Variants in CLSTN2 observed in about 807,000 individuals in gnomAD.
CLSTN2 encodes the protein calsyntenin 2, also known as calsyntenin-2.
A neutral mutation model predicts 101.2 loss-of-function variants in CLSTN2; 48 were observed. That is an observed-to-expected ratio of 0.47 (90% CI 0.38 to 0.60). The LOEUF (loss-of-function observed/expected upper bound fraction) is 0.60. CLSTN2 is among the 20% of genes least tolerant of loss of function. The pLI, the probability that CLSTN2 is intolerant of heterozygous loss-of-function variation, is 0.00. For synonymous variants in CLSTN2, 481 were observed against 463.6 expected, an observed-to-expected ratio of 1.04 and a Z score of -0.48; for missense variants, 1,160 against 1,238.2, an observed-to-expected ratio of 0.94 and a Z score of 0.95.
At chr3:140,205,185 C>T (rs2010764920) in intron 2 of CLSTN2, among the ~76,000 whole-genome samples, 1 of 152,136 alleles carries the variant, frequency 6.6e-6, no homozygotes, top group Non-Finnish European at 1.5e-5. Flanking sequence ...ACACAGCATC[C>T]AAAGGTGTTT....
intron 1 of CLSTN2, among the ~76,000 whole-genome samples, chr3:140,014,679 C>T (rs1045535617): frequency 6.6e-6 from 1 of 152,088 alleles, no homozygotes; most frequent in Non-Finnish European, 1.5e-5. Context: ...CCCAGCGTGT[C>T]TGAGGAACTG....
chr3:140,556,235 G>A (rs1935787439), intron 10 of CLSTN2, among the ~76,000 whole-genome samples: 1 of 152,138 alleles, frequency 6.6e-6, no homozygotes, highest in Admixed American at 6.5e-5. Context: ...GAGCACCGTG[G>A]CTGGGTTTTC....
At chr3:140,054,992 G>T (rs554685099) in intron 1 of CLSTN2, among the ~76,000 whole-genome samples, 29 of 152,300 alleles carry the variant, frequency 1.9e-4, no homozygotes, top group Admixed American at 3.9e-4. Flanking sequence ...GGATATGCCT[G>T]CAGGCTTATA....
chr3:140,084,478 A>G (rs975028821), intron 1 of CLSTN2, among the ~76,000 whole-genome samples: 2 of 152,202 alleles, frequency 1.3e-5, no homozygotes, highest in African/African-American at 4.8e-5. Context: ...GTAGATACGT[A>G]TGCATTCAAA....
intron 1 of CLSTN2, among the ~76,000 whole-genome samples, chr3:140,021,116 A>G (rs962872815): frequency 2.0e-5 from 3 of 152,132 alleles, no homozygotes; most frequent in African/African-American, 7.2e-5. Context: ...TGATGCTCCA[A>G]ATGCTTCCTC....
chr3:140,477,428 C>T (rs1021303490), intron 8 of CLSTN2, among the ~76,000 whole-genome samples: 1 of 152,094 alleles, frequency 6.6e-6, no homozygotes, highest in Non-Finnish European at 1.5e-5. Context: ...ATTGCACTAA[C>T]TCTTTGTGGT....
chr3:140,569,125 G>A lies in CLSTN2; in HGVS notation c.*2872G>A, dbSNP rs1442967359. 1.3e-5 allele frequency: 2 copies of A among 152,252 alleles called. No homozygotes were observed. Among genetic ancestry groups the A allele is most frequent in the African/African-American group, 4.8e-5 (2 of 41,438 alleles). The allele number at this position is 152,252 out of a possible 1,614,324, so 9.4% of individuals were successfully genotyped here. A position where few individuals can be genotyped will look rare whatever the true frequency, so the allele number is the denominator to read the frequency against. On this transcript the variant is annotated 3_prime_UTR_variant, in exon 17 of 17. Transcript: ENST00000458420. ...GAGTGGTTATATCCCAGTAACAGAA[G>A]CTTTGGGAGGTATCCAGGTGAGCAG...
chr3:139,935,767 G>C lies in CLSTN2; in HGVS notation c.109+284G>C, dbSNP rs1274587953. Among the ~76,000 whole-genome samples, 1 of 152,088 alleles carries C rather than the reference G, an allele frequency of 6.6e-6. No homozygotes were observed. The highest frequency in any genetic ancestry group is 6.5e-5 in the Admixed American group (1 of 15,288). ...TTGAGGGCTGTCTGTGCCGGGGTGGGAGCGCAGTGGGTGAGTTTCGAGCTC... is the reference window on the plus strand; with the variant it reads ...TTGAGGGCTGTCTGTGCCGGGGTGGCAGCGCAGTGGGTGAGTTTCGAGCTC... On this transcript the variant is annotated intron_variant, in intron 1 of 16. Coordinates refer to ENST00000458420, the MANE Select transcript of CLSTN2 (RefSeq NM_022131.3). The surrounding 1 kb of genome is among the most constrained non-coding windows in gnomAD (Gnocchi z 5.5).
intron 1 of CLSTN2, among the ~76,000 whole-genome samples, chr3:140,043,994 T>C (rs1357261563): frequency 6.6e-6 from 1 of 152,202 alleles, no homozygotes; most frequent in Admixed American, 6.5e-5. Flanking sequence ...GTTAGGATTG[T>C]CATGGCAATG....
chr3:140,272,837 G>A (rs2086755452), intron 2 of CLSTN2, among the ~76,000 whole-genome samples: 1 of 152,068 alleles, frequency 6.6e-6, no homozygotes, highest in African/African-American at 2.4e-5. Context: ...TTACTAGATG[G>A]GAAAATCATG....
chr3:140,227,103 C>G (rs2086328602), intron 2 of CLSTN2, among the ~76,000 whole-genome samples: 1 of 152,178 alleles, frequency 6.6e-6, no homozygotes, highest in African/African-American at 2.4e-5. Flanking sequence ...ATTCTTAACT[C>G]ATTTCAGCGT....
intron 1 of CLSTN2, among the ~76,000 whole-genome samples, chr3:140,081,595 C>A (rs2008600566): frequency 6.6e-6 from 1 of 151,756 alleles, no homozygotes; most frequent in South Asian, 2.1e-4. Context: ...TGTATCCCTC[C>A]CCCTCCTCCC....
intron 2 of CLSTN2, among the ~76,000 whole-genome samples, chr3:140,292,357 T>C (rs1251047508): frequency 6.6e-6 from 1 of 152,220 alleles, no homozygotes; most frequent in Non-Finnish European, 1.5e-5. Flanking sequence ...TCTTCTCTGA[T>C]TCACCCAGTT....
intron 8 of CLSTN2, among the ~76,000 whole-genome samples, chr3:140,468,138 C>A (rs561040433): frequency 2.3e-4 from 35 of 152,214 alleles, no homozygotes; most frequent in Non-Finnish European, 4.4e-4. Flanking sequence ...CTGAATCTGG[C>A]AGGAATTGTG....
intron 2 of CLSTN2, among the ~76,000 whole-genome samples, chr3:140,271,044 G>A (rs1176713350): frequency 6.6e-6 from 1 of 152,106 alleles, no homozygotes; most frequent in African/African-American, 2.4e-5. Context: ...ATTCTTTAGC[G>A]GCGTCTCTGG....
intron 4 of CLSTN2, 151 bp downstream of exon 4, chr3:140,404,917 C>T: frequency 1.5e-6 from 1 of 688,858 alleles, no homozygotes; most frequent in Non-Finnish European, 2.5e-6. Flanking sequence ...CTCAGTCCCA[C>T]ACTTGAGGGA....
chr3:140,419,174 A>C (rs542607826), intron 4 of CLSTN2, among the ~76,000 whole-genome samples: 20 of 151,766 alleles, frequency 1.3e-4, no homozygotes, highest in South Asian at 1.0e-3. Flanking sequence ...TTTAGTTTTG[A>C]TGAAATATAA....
At chr3:140,461,235 G>A (rs1453976057) in intron 7 of CLSTN2, 1 of 152,188 alleles carries the variant, frequency 6.6e-6, no homozygotes, top group Non-Finnish European at 1.5e-5. Flanking sequence ...AGTCTATGTA[G>A]AAGTCAGTGC....
chr3:140,450,094 G>A (rs944698711), intron 6 of CLSTN2: 3 of 152,186 alleles, frequency 2.0e-5, no homozygotes, highest in Non-Finnish European at 2.9e-5. Context: ...CCTGCTCTGT[G>A]TGCCCTGCCA....
Sources: allele counts gnomAD v4.1 joint callset (sites outside exome capture counted in the v4.1 genomes callset), GRCh38; gene constraint gnomAD v4.1.1; non-coding constraint Gnocchi (gnomAD v3.1); transcripts MANE v1.5; gene names NCBI Gene and HGNC (gene_info 2026-07-23, HGNC 2026-07-21).